ENOX2: variants seen among roughly 807,000 people sequenced by gnomAD.
The protein encoded by ENOX2 is ecto-NOX disulfide-thiol exchanger 2, also known as APK1 antigen.
ENOX2 carries 36 observed loss-of-function variants against 45.0 expected under a neutral mutation model. The ratio of observed to expected loss-of-function variants is 0.80; its 90% CI spans 0.61 to 1.06. The LOEUF (loss-of-function observed/expected upper bound fraction) is 1.06. Ranked by LOEUF, ENOX2 falls within the 50% of genes least tolerant of loss-of-function variation. The probability of loss-of-function intolerance (pLI) is 0.00; values close to 1 mark genes in which losing one functional copy is unlikely to be tolerated. For synonymous variants in ENOX2, 174 were observed against 152.3 expected (o/e 1.14, Z -1.05); for missense variants, 423 against 462.5 (o/e 0.91, Z 0.78).
At chrX:130,896,078 A>G (rs1318684372) in intron 2 of ENOX2, among the ~76,000 whole-genome samples, 2 of 112,346 alleles carry the variant, frequency 1.8e-5, no homozygotes, top group Middle Eastern at 4.2e-3. Context: ...TAAACACTTT[A>G]CTTTTTTGCA....
At chrX:130,786,738 A>AT (rs1857685761) in intron 2 of ENOX2, among the ~76,000 whole-genome samples, 1 of 76,307 alleles carries the variant, frequency 1.3e-5, no homozygotes, top group Non-Finnish European at 2.5e-5. Context: ...TGAACTCATC[A>AT]TTTTTTATGG....
chrX:130,750,193 G>T (rs912958492), intron 3 of ENOX2, among the ~76,000 whole-genome samples: 14 of 111,461 alleles, frequency 1.3e-4, no homozygotes, highest in African/African-American at 4.6e-4. Context: ...CTGTCTTTTG[G>T]TTGGTCTGCC....
intron 2 of ENOX2, among the ~76,000 whole-genome samples, chrX:130,809,783 A>G (rs1305506009): frequency 1.8e-5 from 2 of 110,348 alleles, no homozygotes; most frequent in Admixed American, 9.6e-5. Flanking sequence ...GCGTGTGTGT[A>G]TCTGCAGAAA....
intron 2 of ENOX2, among the ~76,000 whole-genome samples, chrX:130,874,398 A>G (rs1248987135): frequency 2.7e-5 from 3 of 112,504 alleles, no homozygotes; most frequent in Non-Finnish European, 5.6e-5. Context: ...AGCCATCATC[A>G]CAGGGTTGGC....
At chrX:130,738,510 C>A (rs767917667) in intron 3 of ENOX2, among the ~76,000 whole-genome samples, 4 of 112,065 alleles carry the variant, frequency 3.6e-5, no homozygotes, top group Non-Finnish European at 7.5e-5. Flanking sequence ...AAGTCACTTC[C>A]TCTCTCTGGA....
intron 2 of ENOX2, among the ~76,000 whole-genome samples, chrX:130,824,960 T>C (rs948462660): frequency 9.0e-6 from 1 of 111,061 alleles, no homozygotes; most frequent in African/African-American, 3.3e-5. Flanking sequence ...AATTTGGCAA[T>C]ATCTAGTAAA....
intron 2 of ENOX2, among the ~76,000 whole-genome samples, chrX:130,823,042 A>G (rs1048111647): frequency 8.9e-6 from 1 of 111,920 alleles, no homozygotes; most frequent in African/African-American, 3.3e-5. Context: ...GCTGACGGGT[A>G]GAGTGACCAT....
intron 3 of ENOX2, among the ~76,000 whole-genome samples, chrX:130,711,386 G>A (rs900833048): frequency 4.5e-5 from 5 of 111,050 alleles, no homozygotes; most frequent in African/African-American, 9.8e-5. Context: ...CTTGCATCAC[G>A]GTGATGCAGG....
chrX:130,675,746 G>C (rs1364598148), intron 6 of ENOX2, among the ~76,000 whole-genome samples: 2 of 111,300 alleles, frequency 1.8e-5, no homozygotes, highest in African/African-American at 6.5e-5. Flanking sequence ...TAGAAGGACA[G>C]GATTGCAAAA....
intron 2 of ENOX2, among the ~76,000 whole-genome samples, chrX:130,898,736 C>CTT (rs58534541): frequency 5.2e-5 from 5 of 95,314 alleles, no homozygotes; most frequent in Admixed American, 1.1e-4. Flanking sequence ...TCTTTTTTTT[C>CTT]TTTTTTTTTT....
intron 2 of ENOX2, among the ~76,000 whole-genome samples, chrX:130,829,071 T>A (rs1304504980): frequency 8.9e-6 from 1 of 111,798 alleles, no homozygotes; most frequent in Non-Finnish European, 1.9e-5. Context: ...CACCCCATCT[T>A]CAATGTACTG....
intron 2 of ENOX2, among the ~76,000 whole-genome samples, chrX:130,806,226 T>C (rs1165250555): frequency 8.9e-6 from 1 of 112,131 alleles, no homozygotes; most frequent in Non-Finnish European, 1.9e-5. Context: ...AGAACACCTT[T>C]TTAACTACAT....
intron 3 of ENOX2, among the ~76,000 whole-genome samples, chrX:130,765,452 C>T (rs1359035989): frequency 9.0e-6 from 1 of 111,259 alleles, no homozygotes; most frequent in Admixed American, 9.6e-5. Context: ...TATTTAACTT[C>T]ATAAAAATAT....
intron 11 of ENOX2, 54 bp from the exon 12 acceptor site, chrX:130,635,145 T>C: frequency 1.4e-6 from 1 of 711,248 alleles, no homozygotes; most frequent in Non-Finnish European, 2.1e-6. Flanking sequence ...CCACACTTCA[T>C]TTAAAATCTC....
At chrX:130,900,001 T>C (rs2079118740) in intron 2 of ENOX2, among the ~76,000 whole-genome samples, 1 of 112,274 alleles carries the variant, frequency 8.9e-6, no homozygotes. Context: ...CTCACGTCAC[T>C]ACTCTTGGGT....
At chrX:130,742,534 T>A (rs1307213471) in intron 3 of ENOX2, among the ~76,000 whole-genome samples, 1 of 110,905 alleles carries the variant, frequency 9.0e-6, no homozygotes, top group African/African-American at 3.3e-5. Context: ...CATAACAAAC[T>A]TGCTTGCTAT....
At chrX:130,799,246 C>T (rs1414792020) in intron 2 of ENOX2, among the ~76,000 whole-genome samples, 4 of 111,694 alleles carry the variant, frequency 3.6e-5, no homozygotes, top group African/African-American at 9.8e-5. Flanking sequence ...TGGATGCTTC[C>T]TGTCCTTGAA....
chrX:130,805,810 T>C (rs1355320720), intron 2 of ENOX2, among the ~76,000 whole-genome samples: 2 of 112,038 alleles, frequency 1.8e-5, no homozygotes, highest in African/African-American at 6.5e-5. Flanking sequence ...AAAATGTCAA[T>C]GTCAGAAGCA....
At chrX:130,625,555 G>A in intron 14 of ENOX2, 110 bp from the exon 15 acceptor site, 1 of 832,779 alleles carries the variant, frequency 1.2e-6, no homozygotes. Flanking sequence ...GTGCTGCAGG[G>A]GCGTTTAACC....
Sources: gnomAD v4.1 joint callset for allele counts (sites outside exome capture counted in the v4.1 genomes callset) on GRCh38, gnomAD v4.1.1 for gene constraint, MANE v1.5 for transcripts, NCBI Gene and HGNC (gene_info 2026-07-23, HGNC 2026-07-21) for gene names.